The following SPAG16 variants were observed in gnomAD, a reference collection of about 807,000 sequenced individuals.
The protein encoded by SPAG16 is sperm associated antigen 16, also known as sperm-associated antigen 16 protein.
SPAG16 carries 86 observed loss-of-function variants against 80.4 expected under a neutral mutation model. The observed-to-expected ratio is 1.07, with a 90% confidence interval of 0.90 to 1.28. The LOEUF is 1.28. Ranked by LOEUF, SPAG16 falls within the 50% of genes most tolerant of loss-of-function variation. SPAG16 has a pLI of 0.00. For synonymous variants in SPAG16, 294 were observed against 265.9 expected (o/e 1.11, Z -1.03); for missense variants, 870 against 765.3 (o/e 1.14, Z -1.61).
intron 10 of SPAG16, among the ~76,000 whole-genome samples, chr2:213,493,761 A>G (rs1396358901): frequency 6.6e-6 from 1 of 152,186 alleles, no homozygotes; most frequent in African/African-American, 2.4e-5. Flanking sequence ...TTTTTAGAAG[A>G]GACAGGGTTT....
At chr2:213,931,965 C>G (rs1275885012) in intron 12 of SPAG16, among the ~76,000 whole-genome samples, 1 of 151,692 alleles carries the variant, frequency 6.6e-6, no homozygotes, top group Non-Finnish European at 1.5e-5. Context: ...GTACCAAGCT[C>G]TAATTTATAA....
At chr2:213,768,476 A>C (rs1397212367) in intron 10 of SPAG16, among the ~76,000 whole-genome samples, 2 of 152,218 alleles carry the variant, frequency 1.3e-5, no homozygotes. Context: ...TTCACAAGAC[A>C]GCACTATATA....
chr2:213,715,403 A>G (rs2066196267), intron 10 of SPAG16, among the ~76,000 whole-genome samples: 1 of 152,168 alleles, frequency 6.6e-6, no homozygotes, highest in African/African-American at 2.4e-5. Flanking sequence ...AGTTAGAGTA[A>G]GGATCAAATT....
intron 12 of SPAG16, among the ~76,000 whole-genome samples, chr2:213,956,546 C>G (rs1285013834): frequency 4.0e-5 from 6 of 149,080 alleles, no homozygotes; most frequent in South Asian, 2.1e-4. Flanking sequence ...CTCCCAGATT[C>G]AAGCGATTCT....
At chr2:214,271,839 GA>G (rs1172398566) in intron 15 of SPAG16, among the ~76,000 whole-genome samples, 67 of 128,588 alleles carry the variant, frequency 5.2e-4, no homozygotes, top group African/African-American at 1.6e-3. Context: ...GAAACTGTGG[GA>G]AACCCCCCCC....
At chr2:213,315,693 ACT>A (rs2063373621) in intron 4 of SPAG16, among the ~76,000 whole-genome samples, 1 of 13,006 alleles carries the variant, frequency 7.7e-5, no homozygotes, top group Admixed American at 1.4e-3. Flanking sequence ...TCTATTGAAA[ACT>A]TTTTTTTTTT....
intron 9 of SPAG16, among the ~76,000 whole-genome samples, chr2:213,381,150 G>A (rs1182157246): frequency 6.6e-6 from 1 of 152,098 alleles, no homozygotes; most frequent in Admixed American, 6.5e-5. Flanking sequence ...TAATTTAGCT[G>A]TTAGATGGTG....
chr2:213,349,991 C>A (rs1385169707), intron 6 of SPAG16, among the ~76,000 whole-genome samples: 1 of 152,056 alleles, frequency 6.6e-6, no homozygotes, highest in African/African-American at 2.4e-5. Context: ...AGGTCATTTT[C>A]AAATAAAACA....
chr2:214,195,141 G>T (rs1222618732), intron 15 of SPAG16, among the ~76,000 whole-genome samples: 1 of 152,032 alleles, frequency 6.6e-6, no homozygotes, highest in African/African-American at 2.4e-5. Flanking sequence ...GGAATAGTCT[G>T]CCAGGAAAAC....
intron 10 of SPAG16, among the ~76,000 whole-genome samples, chr2:213,684,888 A>C (rs1265015508): frequency 1.3e-5 from 2 of 152,226 alleles, no homozygotes; most frequent in Non-Finnish European, 2.9e-5. Context: ...CTATGGGTTT[A>C]AGTCATACTA....
chr2:213,600,660 T>C (rs2061030605), intron 10 of SPAG16, among the ~76,000 whole-genome samples: 1 of 152,212 alleles, frequency 6.6e-6, no homozygotes, highest in Admixed American at 6.5e-5. Flanking sequence ...GATGTATTAG[T>C]TTGTAGAAGT....
chr2:213,991,651 T>C lies in SPAG16; in HGVS notation c.1401-22300T>C, dbSNP rs138112664. 9.5e-3 allele frequency among the ~76,000 whole-genome samples: 1,453 copies of C among 152,216 alleles called. 14 individuals carry two copies. The highest frequency in any genetic ancestry group is 0.028 in the South Asian group (134 of 4,824). On this transcript the variant is annotated intron_variant, in intron 12 of 15. Transcript: ENST00000331683. ...CTAGGGATGAGGCAATCATGAGTCA[T>C]GTACCTACTTAGAGCCAGTCTGTAT...
chr2:213,732,340 C>A (rs200727914), intron 10 of SPAG16, among the ~76,000 whole-genome samples: 1 of 151,460 alleles, frequency 6.6e-6, no homozygotes, highest in African/African-American at 2.4e-5. Flanking sequence ...GCCCCCCCCG[C>A]AAAAAAAATG....
At chr2:213,793,896 A>AGT (rs2070859412) in intron 10 of SPAG16, among the ~76,000 whole-genome samples, 1 of 152,190 alleles carries the variant, frequency 6.6e-6, no homozygotes, top group South Asian at 2.1e-4. Context: ...GACACTTCTC[A>AGT]GTGGATTATG....
intron 13 of SPAG16, among the ~76,000 whole-genome samples, chr2:214,063,234 G>T (rs548777109): frequency 6.6e-6 from 1 of 152,106 alleles, no homozygotes; most frequent in South Asian, 2.1e-4. Flanking sequence ...CAGGCACATT[G>T]GTTTCCTTTA....
At chr2:214,367,225 C>A (rs1217074209) in intron 15 of SPAG16, among the ~76,000 whole-genome samples, 1 of 152,078 alleles carries the variant, frequency 6.6e-6, no homozygotes, top group Admixed American at 6.6e-5. Flanking sequence ...TTTTAAAAAC[C>A]AAACGGCTAG....
chr2:213,321,684 A>G (rs1392008983), intron 5 of SPAG16, among the ~76,000 whole-genome samples: 1 of 152,154 alleles, frequency 6.6e-6, no homozygotes. Flanking sequence ...AACAGTGTCA[A>G]TTTTAGACTA....
At chr2:213,760,382 A>G (rs1325963295) in intron 10 of SPAG16, among the ~76,000 whole-genome samples, 1 of 152,210 alleles carries the variant, frequency 6.6e-6, no homozygotes, top group African/African-American at 2.4e-5. Flanking sequence ...TATAACAAGT[A>G]TAAACATTTA....
Position 214,046,906 on chromosome 2 carries a change from G to GAA in SPAG16, c.1527+32839_1527+32840dup, listed in dbSNP as rs35035036. 2.5e-4 allele frequency among the ~76,000 whole-genome samples: 36 copies of GAA among 145,464 alleles called. 1 individual carries two copies. Among genetic ancestry groups the GAA allele is most frequent in the South Asian group, 4.3e-4 (2 of 4,624 alleles). ...TCTATATGTCAAAAGTAAACAATCT[G>GAA]AAAAAAAAAAACAATTTAGCAATCC... On this transcript the variant is annotated intron_variant, in intron 13 of 15. Coordinates refer to ENST00000331683, the MANE Select transcript of SPAG16 (RefSeq NM_024532.5).
Sources: allele counts gnomAD v4.1 joint callset (sites outside exome capture counted in the v4.1 genomes callset), GRCh38; gene constraint gnomAD v4.1.1; transcripts MANE v1.5; gene names NCBI Gene and HGNC (gene_info 2026-07-23, HGNC 2026-07-21).